Variants in CDK5RAP2 observed in about 807,000 individuals in gnomAD.
CDK5RAP2 encodes CDK5 regulatory subunit associated protein 2.
In CDK5RAP2, 147 loss-of-function variants were observed where a neutral mutation model predicts 232.9. The ratio of observed to expected loss-of-function variants is 0.63; its 90% CI spans 0.55 to 0.72. The LOEUF is 0.72. Ranked by LOEUF, CDK5RAP2 falls within the 30% of genes least tolerant of loss-of-function variation. CDK5RAP2 has a pLI of 0.00. For missense variants in CDK5RAP2, 2,195 were observed against 2,231.5 expected (o/e 0.98, Z 0.33); for synonymous variants, 833 against 833.7 (o/e 1.00, Z 0.01).
rs73660585 is a variant in CDK5RAP2, at chr9:120,567,966, T to C, written c.195+355A>G. ...AGGGGACCATAAATAACATGCCTTA[T>C]AGTAACAGTAAGGCCTTTGACAAAT... On this transcript the variant is annotated intron_variant, in intron 3 of 37. Transcript: ENST00000349780. 2.9e-3 allele frequency among the ~76,000 whole-genome samples: 439 copies of C among 152,338 alleles called. 5 individuals are homozygous for C. Among genetic ancestry groups the C allele is most frequent in the African/African-American group, 0.01 (424 of 41,580 alleles).
chr9:120,529,940 G>A, intron 8 of CDK5RAP2, 38 bp downstream of exon 8: 6 of 1,603,266 alleles, frequency 3.7e-6, no homozygotes, highest in Non-Finnish European at 5.1e-6. Flanking sequence ...AGTCTGGTTG[G>A]CTAATTAAAG....
intron 25 of CDK5RAP2, among the ~76,000 whole-genome samples, chr9:120,423,380 A>G (rs868407738): frequency 6.6e-6 from 1 of 152,222 alleles, no homozygotes; most frequent in Non-Finnish European, 1.5e-5. Context: ...CTTTATCTGC[A>G]TTTTAATTAT....
At chr9:120,524,131 G>A (rs1313318084) in intron 11 of CDK5RAP2, among the ~76,000 whole-genome samples, 1 of 152,074 alleles carries the variant, frequency 6.6e-6, no homozygotes, top group Non-Finnish European at 1.5e-5. Context: ...TTCCTCAGCA[G>A]TTTAAAAAAA....
intron 36 of CDK5RAP2, among the ~76,000 whole-genome samples, chr9:120,390,661 A>G (rs2031859755): frequency 6.6e-6 from 1 of 152,188 alleles, no homozygotes; most frequent in Non-Finnish European, 1.5e-5. Flanking sequence ...TCTGTTCTCA[A>G]CAGGGCTTGG....
At chr9:120,542,764 C>G (rs189844060) in intron 5 of CDK5RAP2, among the ~76,000 whole-genome samples, 15 of 152,272 alleles carry the variant, frequency 9.9e-5, no homozygotes, top group Admixed American at 3.9e-4. Context: ...AAGACTTTCC[C>G]AGCTCCCAGA....
chr9:120,413,823 A>AGGAG (rs201665530), intron 28 of CDK5RAP2, among the ~76,000 whole-genome samples: 3,247 of 108,700 alleles, frequency 0.03, 134 homozygotes, highest in African/African-American at 0.11. Context: ...GGGAGGAGGG[A>AGGAG]GGAGGGAGGA....
At chr9:120,577,078 C>T (rs1033463084) in intron 1 of CDK5RAP2, among the ~76,000 whole-genome samples, 4 of 152,054 alleles carry the variant, frequency 2.6e-5, no homozygotes, top group Admixed American at 2.6e-4. Context: ...ATCATAGAGA[C>T]AGGCTGGGCG....
rs77894525 is a variant in CDK5RAP2 at position 120,444,840 on chromosome 9, C to T, written c.3026-1098G>A. 7.0e-3 allele frequency among the ~76,000 whole-genome samples: 1,067 copies of T among 152,280 alleles called. 11 individuals carry two copies. The highest frequency in any genetic ancestry group is 0.024 in the African/African-American group (1,017 of 41,556). Reference sequence around the variant, plus strand: ...CCAAGTCACTTTATCTCTGAAACTGCTGCCTTAACTATAAGATGGTAGTAA... The same window carrying T: ...CCAAGTCACTTTATCTCTGAAACTGTTGCCTTAACTATAAGATGGTAGTAA... On this transcript the variant is annotated intron_variant, in intron 22 of 37. Coordinates refer to ENST00000349780, the MANE Select transcript of CDK5RAP2 (RefSeq NM_018249.6).
At chr9:120,417,205 GTGCT>G (rs2034278721) in intron 27 of CDK5RAP2, among the ~76,000 whole-genome samples, 1 of 127,370 alleles carries the variant, frequency 7.9e-6, no homozygotes, top group Non-Finnish European at 1.7e-5. Flanking sequence ...CTGCACCTCC[GTGCT>G]CCTTAAATTC....
intron 25 of CDK5RAP2, among the ~76,000 whole-genome samples, chr9:120,431,720 T>C (rs892231048): frequency 1.3e-5 from 2 of 152,262 alleles, no homozygotes; most frequent in African/African-American, 4.8e-5. Flanking sequence ...TCTTTGTTCA[T>C]GTGGTGAGCT....
In CDK5RAP2 at chr9:120,497,421, T is replaced by TAAAAAAAAA. The variant is rs71385064; in HGVS notation, c.1312-5953_1312-5945dup. On this transcript the variant is annotated intron_variant, in intron 12 of 37. Transcript: ENST00000349780. ...AGAATTATCAATAAAAAAATAAATT[T>TAAAAAAAAA]AAAAAAAAAAAAAAAAAAAAAAAAA... Among the ~76,000 whole-genome samples the TAAAAAAAAA allele has an allele frequency of 1.2e-3, 27 of 23,292 alleles. 1 individual carries two copies. Among genetic ancestry groups the TAAAAAAAAA allele is most frequent in the South Asian group, 3.6e-3 (1 of 278 alleles). 15.3% of individuals were successfully genotyped at this position (23,292 alleles called of 152,430 possible).
At chr9:120,532,884 C>T (rs2041216109) in intron 7 of CDK5RAP2, among the ~76,000 whole-genome samples, 2 of 152,302 alleles carry the variant, frequency 1.3e-5, no homozygotes, top group South Asian at 2.1e-4. Flanking sequence ...ACAGTAAGTA[C>T]TTGATACACG....
chr9:120,521,803 A>G (rs2040677436), intron 11 of CDK5RAP2, among the ~76,000 whole-genome samples: 1 of 150,480 alleles, frequency 6.6e-6, no homozygotes, highest in Admixed American at 6.6e-5. Context: ...CCACCACCAC[A>G]CCTGGCTAAT....
At chr9:120,474,663 A>T (rs1376676558) in intron 15 of CDK5RAP2, among the ~76,000 whole-genome samples, 1 of 152,190 alleles carries the variant, frequency 6.6e-6, no homozygotes, top group Non-Finnish European at 1.5e-5. Flanking sequence ...TAGAATGCAC[A>T]TTTCCACTTC....
rs772561188 is a variant in CDK5RAP2 at position 120,550,776 on chromosome 9, G to A, written c.306+16C>T. On this transcript the variant is annotated intron_variant, in intron 4 of 37. Coordinates refer to ENST00000349780, the MANE Select transcript of CDK5RAP2 (RefSeq NM_018249.6). ...GAAAGGACACAAGGGACAGTAATGA[G>A]AAATGGGCCACTCACAGTTTTGTAG... The A allele has an allele frequency of 1.5e-6, 2 of 1,378,514 alleles. No individual in the cohort carries two copies. The highest frequency in any genetic ancestry group is 2.1e-6 in the Non-Finnish European group (2 of 964,666). The allele number at this position is 1,378,514 out of a possible 1,614,324, so 85.4% of individuals were successfully genotyped here. A position where few individuals can be genotyped will look rare whatever the true frequency, so the allele number is the denominator to read the frequency against.
intron 18 of CDK5RAP2, among the ~76,000 whole-genome samples, chr9:120,465,531 G>C (rs2037329474): frequency 6.6e-6 from 1 of 151,938 alleles, no homozygotes; most frequent in African/African-American, 2.4e-5. Context: ...ATCTTAGAAA[G>C]AAATCTGACA....
At chr9:120,552,407 A>G (rs1344161337) in intron 3 of CDK5RAP2, among the ~76,000 whole-genome samples, 1 of 152,198 alleles carries the variant, frequency 6.6e-6, no homozygotes, top group Non-Finnish European at 1.5e-5. Flanking sequence ...TGTTCACTGC[A>G]GCACTATTCA....
At chr9:120,528,010 A>T in intron 9 of CDK5RAP2, 85 bp from the exon 10 acceptor site, 1 of 1,514,592 alleles carries the variant, frequency 6.6e-7, no homozygotes, top group Non-Finnish European at 9.1e-7. Flanking sequence ...GCACACTCAA[A>T]TGCAGTTATT....
At chr9:120,512,032 C>T (rs963381400) in intron 12 of CDK5RAP2, among the ~76,000 whole-genome samples, 4 of 152,138 alleles carry the variant, frequency 2.6e-5, no homozygotes, top group South Asian at 4.1e-4. Context: ...GCCACCGCGC[C>T]CGGCCACAAT....
Sources: allele counts gnomAD v4.1 joint callset (sites outside exome capture counted in the v4.1 genomes callset), GRCh38; gene constraint gnomAD v4.1.1; transcripts MANE v1.5; gene names NCBI Gene and HGNC (gene_info 2026-07-23, HGNC 2026-07-21).